MARK3: variants seen among roughly 807,000 people sequenced by gnomAD.
MARK3 encodes MAP/microtubule affinity-regulating kinase 3.
Under a neutral mutation model 90.1 loss-of-function variants are expected in MARK3, and 46 were observed. That is an observed-to-expected ratio of 0.51 (90% CI 0.40 to 0.65). The LOEUF is 0.65. MARK3 is among the 30% of genes least tolerant of loss of function. The probability of loss-of-function intolerance (pLI) is 0.00; values close to 1 mark genes in which losing one functional copy is unlikely to be tolerated. For missense variants in MARK3, 818 were observed against 947.2 expected, an observed-to-expected ratio of 0.86 and a Z score of 1.79; for synonymous variants, 321 against 332.6, an observed-to-expected ratio of 0.97 and a Z score of 0.38.
chr14:103,385,695 G>T lies in MARK3; in HGVS notation c.-335G>T. 4.0e-6 allele frequency: 1 copy of T among 250,124 alleles called. No individual in the cohort carries two copies. Among genetic ancestry groups the T allele is most frequent in the Non-Finnish European group, 7.6e-6 (1 of 132,224 alleles). 15.5% of individuals were successfully genotyped at this position (250,124 alleles called of 1,614,324 possible). A position where few individuals can be genotyped will look rare whatever the true frequency, so the allele number is the denominator to read the frequency against. Reference sequence around the variant, plus strand: ...GGTGCGACGGGAGGGAGTGGAGAAGGAGGTGAGGGGGCCCAGGATCGCGGG... The same window carrying T: ...GGTGCGACGGGAGGGAGTGGAGAAGTAGGTGAGGGGGCCCAGGATCGCGGG... On this transcript the variant is annotated 5_prime_UTR_variant, in exon 1 of 18. Coordinates refer to ENST00000429436, the MANE Select transcript of MARK3 (RefSeq NM_001128918.3).
chr14:103,424,214 G>GA (rs373848330), intron 2 of MARK3, among the ~76,000 whole-genome samples: 99 of 145,144 alleles, frequency 6.8e-4, no homozygotes, highest in African/African-American at 1.2e-3. Context: ...TGTCTCAAGA[G>GA]AAAAAAAAAA....
chr14:103,474,084 A>G (rs1454611749), intron 12 of MARK3, among the ~76,000 whole-genome samples: 1 of 151,244 alleles, frequency 6.6e-6, no homozygotes, highest in African/African-American at 2.4e-5. Context: ...ATGCGCCTGT[A>G]GTTTCAGCTA....
intron 2 of MARK3, among the ~76,000 whole-genome samples, chr14:103,418,589 C>T (rs968667094): frequency 6.6e-6 from 1 of 152,098 alleles, no homozygotes; most frequent in African/African-American, 2.4e-5. Context: ...TTAGTCCTCC[C>T]CCGCCTGCCT....
intron 7 of MARK3, among the ~76,000 whole-genome samples, chr14:103,464,289 CTTTTTTTTTTTTT>C (rs143005949): frequency 7.3e-5 from 5 of 68,636 alleles, no homozygotes; most frequent in African/African-American, 3.0e-4. Context: ...TGATTTGTCT[CTTTTTTTTTTTTT>C]TTTTTTTTTT....
intron 15 of MARK3, among the ~76,000 whole-genome samples, chr14:103,494,722 C>T (rs1249333638): frequency 6.6e-6 from 1 of 152,012 alleles, no homozygotes; most frequent in Non-Finnish European, 1.5e-5. Context: ...TGGCAATCTT[C>T]GCCTTCCAGG....
chr14:103,422,698 C>T (rs753109140), intron 2 of MARK3, among the ~76,000 whole-genome samples: 8 of 152,132 alleles, frequency 5.3e-5, no homozygotes, highest in Non-Finnish European at 1.0e-4. Context: ...GTTGTTTTAA[C>T]ATTGTACTAA....
chr14:103,497,237 G>T (rs755698636), intron 15 of MARK3, among the ~76,000 whole-genome samples: 1 of 152,102 alleles, frequency 6.6e-6, no homozygotes, highest in African/African-American at 2.4e-5. Flanking sequence ...TGAAGTGGTT[G>T]GCAGTTATTT....
intron 2 of MARK3, among the ~76,000 whole-genome samples, chr14:103,407,890 CG>C (rs1209644158): frequency 6.6e-6 from 1 of 152,042 alleles, no homozygotes; most frequent in African/African-American, 2.4e-5. Context: ...TAGGTCTTTG[CG>C]CCTGCTTTTC....
chr14:103,500,596 T>C lies in MARK3; in HGVS notation c.1916+396T>C, dbSNP rs149860644. ...ATTTCAAACTAGATATGTTTTCTTC[T>C]AAGAATGGTGATTATATAGTTGAGT... On this transcript the variant is annotated intron_variant, in intron 17 of 17. Coordinates refer to ENST00000429436, the MANE Select transcript of MARK3 (RefSeq NM_001128918.3). 3.3e-5 allele frequency among the ~76,000 whole-genome samples: 5 copies of C among 152,294 alleles called. No individual in the cohort carries two copies. The East Asian group carries it at 7.7e-4, about 23-fold the overall frequency.
At position 103,432,036 on chromosome 14, in the gene MARK3, CTTAATTCCAGTCTTT is replaced by C. The variant is rs771371321; in HGVS notation, c.297+3598_297+3612del. Among the ~76,000 whole-genome samples the C allele has an allele frequency of 2.4e-3, 358 of 151,508 alleles. 1 individual carries two copies. The highest frequency in any genetic ancestry group is 4.0e-3 in the Non-Finnish European group (274 of 67,892). The stretch of plus-strand genomic sequence containing the variant: ...AAAATTCATTTAATTGATTTTCTGC[CTTAATTCCAGTCTTT>C]TGGGGGATTTTGGAATAATGGGTCA... On this transcript the variant is annotated intron_variant, in intron 3 of 17. Transcript: ENST00000429436.
At chr14:103,428,360 T>G in intron 2 of MARK3, 27 bp from the exon 3 acceptor site, 2 of 1,228,626 alleles carry the variant, frequency 1.6e-6, no homozygotes, top group Admixed American at 5.2e-5. Context: ...ATTCTTAAAA[T>G]CCATAAATAT....
chr14:103,466,057 T>A lies in MARK3; in HGVS notation c.863T>A (p.Leu288Gln), dbSNP rs1329652709. The part of the protein sequence containing the change: ...TDCENLLKRF[L>Q]VLNPIKRGTL... ...TGTGAAAACCTTCTCAAACGTTTCC[T>A]GGTGCTAAATCCAATTAAACGCGGC... Residue 288 changes from leucine (L) to glutamine (Q), a missense_variant, in exon 9 of 18, where the codon CTG becomes CAG. Physicochemically the swap from Leu to Gln is moderately radical, Grantham distance 113 (BLOSUM62 -2). Coordinates refer to ENST00000429436, the MANE Select transcript of MARK3 (RefSeq NM_001128918.3). 6.2e-7 allele frequency: 1 copy of A among 1,614,062 alleles called. No individual in the cohort carries two copies. The highest frequency in any genetic ancestry group is 8.5e-7 in the Non-Finnish European group (1 of 1,180,018).
At chr14:103,429,000 C>T (rs1188409918) in intron 3 of MARK3, among the ~76,000 whole-genome samples, 4 of 152,176 alleles carry the variant, frequency 2.6e-5, no homozygotes, top group African/African-American at 9.7e-5. Flanking sequence ...GCCCTAGTGC[C>T]TTTTAGAATC....
intron 2 of MARK3, among the ~76,000 whole-genome samples, chr14:103,406,902 C>T (rs1261300965): frequency 6.6e-6 from 1 of 152,162 alleles, no homozygotes; most frequent in African/African-American, 2.4e-5. Context: ...GGTGCAATCT[C>T]GGCTCACTGC....
At chr14:103,484,080 G>A (rs2093875952) in intron 14 of MARK3, among the ~76,000 whole-genome samples, 1 of 152,018 alleles carries the variant, frequency 6.6e-6, no homozygotes, top group Admixed American at 6.6e-5. Context: ...TTAGATACCC[G>A]GACGACACTG....
chr14:103,396,861 C>T (rs1366722372), intron 1 of MARK3, among the ~76,000 whole-genome samples: 1 of 152,060 alleles, frequency 6.6e-6, no homozygotes, highest in Non-Finnish European at 1.5e-5. Flanking sequence ...AGCACAGTAG[C>T]AACTAGCCAC....
intron 6 of MARK3, among the ~76,000 whole-genome samples, chr14:103,457,894 C>CT (rs1222078315): frequency 6.6e-6 from 1 of 152,166 alleles, no homozygotes; most frequent in African/African-American, 2.4e-5. Flanking sequence ...AATTGCCTTT[C>CT]TTTTTTTCTT....
At chr14:103,415,660 A>G (rs2091912085) in intron 2 of MARK3, among the ~76,000 whole-genome samples, 1 of 150,610 alleles carries the variant, frequency 6.6e-6, no homozygotes, top group Non-Finnish European at 1.5e-5. Context: ...ATAGCCTCCC[A>G]GAGACCTTTC....
intron 16 of MARK3, 61 bp from the exon 17 acceptor site, chr14:103,500,095 G>A: frequency 7.6e-7 from 1 of 1,311,934 alleles, no homozygotes; most frequent in South Asian, 1.2e-5. Context: ...GTCATGTACT[G>A]GCATGTAAGA....
Sources: gnomAD v4.1 joint callset for allele counts (sites outside exome capture counted in the v4.1 genomes callset) on GRCh38, gnomAD v4.1.1 for gene constraint, MANE v1.5 for transcripts, NCBI Gene and HGNC (gene_info 2026-07-23, HGNC 2026-07-21) for gene names.